The following MADD variants were observed in gnomAD, a reference collection of about 807,000 sequenced individuals.
MADD encodes the protein MAP kinase activating death domain, also known as MAP kinase-activating death domain protein.
MADD carries 109 observed loss-of-function variants against 176.7 expected under a neutral mutation model. The observed-to-expected ratio is 0.62, with a 90% CI of 0.53 to 0.72. The LOEUF is 0.72. MADD is among the 30% of genes least tolerant of loss of function. The probability of loss-of-function intolerance (pLI) is 0.00; values close to 1 mark genes in which losing one functional copy is unlikely to be tolerated. For synonymous variants in MADD, 771 were observed against 771.3 expected, an observed-to-expected ratio of 1.00 and a Z score of 0.01; for missense variants, 1,914 against 2,045.5, an observed-to-expected ratio of 0.94 and a Z score of 1.24.
At chr11:47,272,975 G>A (rs931195466) in intron 1 of MADD, among the ~76,000 whole-genome samples, 2 of 152,196 alleles carry the variant, frequency 1.3e-5, no homozygotes, top group Non-Finnish European at 2.9e-5. Flanking sequence ...TGCAGATTAG[G>A]CAATTGGGGC....
intron 19 of MADD, among the ~76,000 whole-genome samples, chr11:47,291,113 G>A (rs549799696): frequency 2.6e-5 from 4 of 152,082 alleles, no homozygotes; most frequent in Non-Finnish European, 4.4e-5. Flanking sequence ...TTTTATTTAC[G>A]TCTGCATTTC....
At chr11:47,283,851 G>A (rs935084756) in intron 10 of MADD, among the ~76,000 whole-genome samples, 35 of 152,308 alleles carry the variant, frequency 2.3e-4, no homozygotes, top group Middle Eastern at 3.4e-3. Flanking sequence ...AGGATTACAG[G>A]CGCGAGCCAC....
chr11:47,277,875 ATTGT>A (rs2051954681), intron 5 of MADD, among the ~76,000 whole-genome samples: 1 of 152,170 alleles, frequency 6.6e-6, no homozygotes, highest in South Asian at 2.1e-4. Flanking sequence ...AAATTTATGA[ATTGT>A]TTATTTCTGG....
chr11:47,274,125 A>G, intron 2 of MADD, 149 bp downstream of exon 2: 1 of 722,718 alleles, frequency 1.4e-6, no homozygotes, highest in Non-Finnish European at 2.3e-6. Context: ...CAGTAGGGAA[A>G]AAACAAAATC....
intron 15 of MADD, 37 bp from the exon 16 acceptor site, chr11:47,288,931 T>G: frequency 6.7e-7 from 1 of 1,485,370 alleles, no homozygotes; most frequent in Non-Finnish European, 9.2e-7. Flanking sequence ...GTTGCGGTAT[T>G]GTGGTACACC....
chr11:47,292,367 G>A (rs937166203), intron 19 of MADD, among the ~76,000 whole-genome samples, 176 bp from the exon 21 acceptor site: 4 of 152,110 alleles, frequency 2.6e-5, no homozygotes, highest in African/African-American at 9.7e-5. Flanking sequence ...TTTGGGTGGA[G>A]GGGTTAGATC....
intron 4 of MADD, 95 bp from the exon 5 acceptor site, chr11:47,276,637 G>C: frequency 1.4e-6 from 2 of 1,477,598 alleles, no homozygotes; most frequent in South Asian, 1.2e-5. Context: ...CTGTAGGCTC[G>C]ATGAAGTGGA....
chr11:47,317,700 GA>G (rs771738970), intron 27 of MADD, among the ~76,000 whole-genome samples: 84 of 152,190 alleles, frequency 5.5e-4, no homozygotes, highest in Non-Finnish European at 1.1e-3. Flanking sequence ...CTGCCCACCA[GA>G]AAGTTCCTCA....
In MADD at chr11:47,284,371, G is replaced by A. The variant is rs1191691449; in HGVS notation, c.1967-4G>A. The A allele has an allele frequency of 6.2e-7, 1 of 1,614,136 alleles. No homozygotes were observed. The highest frequency in any genetic ancestry group is 1.7e-5 in the Admixed American group (1 of 60,014). ...CTGTACCTGCCTCCCTTGGATTTTG[G>A]CAGATGTGGACCCTCTGACACATGC... On this transcript the variant is annotated splice_polypyrimidine_tract_variant and splice_region_variant and intron_variant, in intron 11 of 32. Transcript: ENST00000402192.
chr11:47,294,139 C>T lies in MADD; in HGVS notation c.3402+156C>T, dbSNP rs182681133. Among the ~76,000 whole-genome samples, 471 of 151,804 alleles carry T rather than the reference C, an allele frequency of 3.1e-3. 6 individuals carry two copies. The highest frequency in any genetic ancestry group is 0.011 in the African/African-American group (455 of 41,400). On this transcript the variant is annotated intron_variant, in intron 20 of 32. Coordinates refer to ENST00000402192, the Ensembl canonical transcript of MADD. ...CCGAGGCGGGTGGGTCACCTGAGGT[C>T]GGGAGTTCGAGACCAGCCTGACCAA...
exon 6 of MADD, chr11:47,278,166 T>A: frequency 6.2e-7 from 1 of 1,608,908 alleles, no homozygotes; most frequent in Non-Finnish European, 8.5e-7. Flanking sequence ...TTTCCACAGC[T>A]GCTGTTGGCT....
intron 7 of MADD, 118 bp downstream of exon 7, chr11:47,279,197 C>A: frequency 1.1e-6 from 1 of 932,038 alleles, no homozygotes; most frequent in Admixed American, 2.2e-5. Context: ...GTTTTCTTCA[C>A]CCTGGATGGG....
At chr11:47,312,520 G>A (rs974178210) in intron 26 of MADD, among the ~76,000 whole-genome samples, 2 of 152,174 alleles carry the variant, frequency 1.3e-5, no homozygotes, top group Admixed American at 6.5e-5. Flanking sequence ...TCTGCCTCCC[G>A]AGTTCAAGCA....
chr11:47,299,136 T>G (rs1257245540), intron 22 of MADD, among the ~76,000 whole-genome samples: 1 of 152,198 alleles, frequency 6.6e-6, no homozygotes, highest in African/African-American at 2.4e-5. Flanking sequence ...TGTCCAGGAT[T>G]GTTTTGGCTA....
chr11:47,273,877 C>T (rs760583373), exon 2 of MADD: 1 of 1,585,722 alleles, frequency 6.3e-7, no homozygotes, highest in Non-Finnish European at 8.7e-7. Flanking sequence ...TGCTTGGTGC[C>T]CTGATGCTTC....
chr11:47,277,708 T>C (rs911494347), intron 5 of MADD, among the ~76,000 whole-genome samples: 4 of 152,218 alleles, frequency 2.6e-5, no homozygotes, highest in Admixed American at 1.3e-4. Flanking sequence ...ACACAAACGC[T>C]GAGATTGTGT....
intron 7 of MADD, among the ~76,000 whole-genome samples, chr11:47,279,643 T>A (rs904684999): frequency 6.6e-6 from 1 of 152,092 alleles, no homozygotes; most frequent in African/African-American, 2.4e-5. Flanking sequence ...CCTCCCGAAG[T>A]GCTGGGATTA....
intron 31 of MADD, 121 bp from the exon 36 acceptor site, chr11:47,328,537 A>T (rs2095708025): frequency 6.5e-7 from 1 of 1,542,436 alleles, no homozygotes; most frequent in South Asian, 1.2e-5. Context: ...TGCTGCAGCC[A>T]CTGTGAGAGG....
At chr11:47,269,620 C>G (rs1373783698), upstream of MADD, 1 of 151,884 alleles carries the variant, frequency 6.6e-6, no homozygotes, top group African/African-American at 2.4e-5. Context: ...CACGCCCCCC[C>G]ACTCCCCGCG....
Sources: allele counts gnomAD v4.1 joint callset (sites outside exome capture counted in the v4.1 genomes callset), GRCh38; gene constraint gnomAD v4.1.1; transcripts MANE v1.5; gene names NCBI Gene and HGNC (gene_info 2026-07-23, HGNC 2026-07-21).